The following KLRG1 variants were observed in gnomAD, a reference collection of about 807,000 sequenced individuals.
KLRG1 encodes killer cell lectin like receptor G1, also known as killer cell lectin-like receptor subfamily G member 1.
In KLRG1, 16 loss-of-function variants were observed where a neutral mutation model predicts 21.8. The observed-to-expected ratio is 0.73, with a 90% CI of 0.50 to 1.11. KLRG1 has a LOEUF of 1.11. Among genes scored for constraint, KLRG1 ranks in the 50% most tolerant of loss-of-function variants. The pLI is 0.00. For synonymous variants in KLRG1, 69 were observed against 75.9 expected, an observed-to-expected ratio of 0.91 and a Z score of 0.47; for missense variants, 173 against 218.3, an observed-to-expected ratio of 0.79 and a Z score of 1.31.
At chr12:9,141,722 CTG>C in the KLRG1 span, among the ~76,000 whole-genome samples, 3 of 152,158 alleles carry the variant, frequency 2.0e-5, no homozygotes, top group African/African-American at 4.8e-5. Flanking sequence ...TATATGTAAA[CTG>C]TTTTTTCAAT....
the KLRG1 span, chr12:9,110,137 G>A: frequency 3.1e-6 from 4 of 1,293,212 alleles, no homozygotes; most frequent in Non-Finnish European, 3.2e-6. Flanking sequence ...AAGGTCAAAT[G>A]GGGTAGTAGT....
the KLRG1 span, among the ~76,000 whole-genome samples, chr12:9,203,118 ATCTATTTCTAGGAAATGTCCAGC>A: frequency 1.3e-5 from 2 of 152,176 alleles, no homozygotes; most frequent in Non-Finnish European, 1.5e-5. Context: ...TTTTCATATG[ATCTATTTCTAGGAAATGTCCAGC>A]CCGATCCTTA....
chr12:9,152,920 T>C, the KLRG1 span: 1 of 1,614,152 alleles, frequency 6.2e-7, no homozygotes, highest in Non-Finnish European at 8.5e-7. Context: ...GGAGTCCTCT[T>C]TCTCTGGAAG....
chr12:9,121,688 G>A, the KLRG1 span, among the ~76,000 whole-genome samples: 1 of 152,186 alleles, frequency 6.6e-6, no homozygotes, highest in African/African-American at 2.4e-5. The surrounding 1 kb of genome is among the most constrained non-coding windows in gnomAD (Gnocchi z 4.4). Flanking sequence ...TGCTACAGAG[G>A]AATTAGTGTT....
chr12:9,036,883 G>A, the KLRG1 span: 1 of 385,530 alleles, frequency 2.6e-6, no homozygotes, highest in South Asian at 2.5e-5. Context: ...AGGAATAACT[G>A]TAGTGGGCTA....
At chr12:9,077,612 C>G in the KLRG1 span, 1 of 1,555,814 alleles carries the variant, frequency 6.4e-7, no homozygotes, top group Non-Finnish European at 8.7e-7. Flanking sequence ...CTGAGGCTTT[C>G]CCTTAGAATT....
intron 3 of KLRG1, among the ~76,000 whole-genome samples, chr12:9,004,352 C>T (rs889289839): frequency 5.3e-5 from 8 of 152,204 alleles, no homozygotes; most frequent in African/African-American, 1.9e-4. Flanking sequence ...TCTCCACATC[C>T]TCTCCAGCAC....
chr12:9,115,357 A>AT, the KLRG1 span: 2 of 161,276 alleles, frequency 1.2e-5, no homozygotes, highest in Non-Finnish European at 2.7e-5. Context: ...CACTCTATAG[A>AT]TTTTTATACT....
the KLRG1 span, among the ~76,000 whole-genome samples, chr12:9,170,801 G>A: frequency 6.6e-6 from 1 of 152,154 alleles, no homozygotes; most frequent in Admixed American, 6.5e-5. This position sits in a 1 kb window ranked among gnomAD's most constrained non-coding sequence, Gnocchi z 4.6. Context: ...TTCTGTGGGG[G>A]CTTCAGGTAC....
the KLRG1 span, chr12:9,079,912 AT>A: frequency 8.1e-7 from 1 of 1,236,318 alleles, no homozygotes; most frequent in East Asian, 2.6e-5. Flanking sequence ...GAAATTGAGA[AT>A]TTTTAGGAAG....
At chr12:9,038,429 T>C in the KLRG1 span, among the ~76,000 whole-genome samples, 4 of 152,208 alleles carry the variant, frequency 2.6e-5, no homozygotes, top group African/African-American at 4.8e-5. Flanking sequence ...TCAACTGATA[T>C]TGAATCAATT....
At chr12:9,169,415 T>C in the KLRG1 span, 2 of 1,568,236 alleles carry the variant, frequency 1.3e-6, no homozygotes, top group Non-Finnish European at 1.7e-6. Flanking sequence ...TGTTAATAAG[T>C]AGTGAGAATT....
At chr12:8,964,709 T>C (rs1946437038) in intron 1 of KLRG1, among the ~76,000 whole-genome samples, 1 of 151,130 alleles carries the variant, frequency 6.6e-6, no homozygotes, top group South Asian at 2.1e-4. Context: ...GCTTTATGAA[T>C]CTGGGTGCTC....
At chr12:9,207,849 G>A in the KLRG1 span, among the ~76,000 whole-genome samples, 3 of 152,100 alleles carry the variant, frequency 2.0e-5, no homozygotes. Flanking sequence ...GGGGGCTGTT[G>A]GTGAAGACTT....
chr12:9,057,671 T>C, the KLRG1 span: 1 of 152,618 alleles, frequency 6.6e-6, no homozygotes, highest in Non-Finnish European at 1.5e-5. Flanking sequence ...AGCTTTCTTA[T>C]GGGGTTGTCT....
the KLRG1 span, chr12:9,182,166 G>GTGAGACAAAAAC: frequency 6.5e-7 from 1 of 1,548,346 alleles, no homozygotes; most frequent in Admixed American, 1.8e-5. Flanking sequence ...GAGACAAAAA[G>GTGAGACAAAAAC]GTCATAAAAA....
the KLRG1 span, chr12:9,150,883 G>C: frequency 1.6e-6 from 1 of 644,954 alleles, no homozygotes; most frequent in Non-Finnish European, 2.7e-6. Context: ...ATGTCAAGAT[G>C]GGTTTTAGAA....
At chr12:9,154,977 A>G in the KLRG1 span, 1 of 887,744 alleles carries the variant, frequency 1.1e-6, no homozygotes, top group East Asian at 2.7e-5. Flanking sequence ...ATAAACTCCT[A>G]AAACTCACTA....
At chr12:9,050,764 C>T in the KLRG1 span, among the ~76,000 whole-genome samples, 7 of 152,110 alleles carry the variant, frequency 4.6e-5, no homozygotes, top group Non-Finnish European at 7.4e-5. Context: ...TTCAAGTTGG[C>T]GAGGTGGGAG....
Sources: gnomAD v4.1 joint callset for allele counts (sites outside exome capture counted in the v4.1 genomes callset) on GRCh38, gnomAD v4.1.1 for gene constraint, Gnocchi (gnomAD v3.1) non-coding constraint, MANE v1.5 for transcripts, NCBI Gene and HGNC (gene_info 2026-07-23, HGNC 2026-07-21) for gene names.